Variants in HECW1 observed in about 807,000 individuals in gnomAD.
HECW1 encodes HECT, C2 and WW domain containing E3 ubiquitin protein ligase 1, also known as E3 ubiquitin-protein ligase HECW1.
HECW1 carries 61 observed loss-of-function variants against 182.3 expected under a neutral mutation model. The ratio of observed to expected loss-of-function variants is 0.33; its 90% CI spans 0.27 to 0.41. The LOEUF (loss-of-function observed/expected upper bound fraction) is 0.41. Among genes scored for constraint, HECW1 ranks in the 10% least tolerant of loss-of-function variants. The pLI, the probability that HECW1 is intolerant of heterozygous loss-of-function variation, is 1.00. For missense variants in HECW1, 1,739 were observed against 2,108.9 expected (o/e 0.82, Z 3.44); for synonymous variants, 859 against 832.6 (o/e 1.03, Z -0.55).
chr7:43,194,849 A>T (rs537063435), intron 2 of HECW1, among the ~76,000 whole-genome samples: 1 of 152,062 alleles, frequency 6.6e-6, no homozygotes, highest in East Asian at 1.9e-4. Flanking sequence ...GCCTGCCCCC[A>T]CACCTGGCTA....
At chr7:43,446,854 G>A (rs78830237) in intron 11 of HECW1, among the ~76,000 whole-genome samples, 1 of 152,184 alleles carries the variant, frequency 6.6e-6, no homozygotes, top group Non-Finnish European at 1.5e-5. Flanking sequence ...GAGTAGAAGG[G>A]AATGGGAAAT....
intron 2 of HECW1, among the ~76,000 whole-genome samples, chr7:43,209,819 G>C (rs2152694340): frequency 6.6e-6 from 1 of 152,336 alleles, no homozygotes; most frequent in South Asian, 2.1e-4. Flanking sequence ...GGGCATTCCA[G>C]AAGAGTGAAG....
chr7:43,138,152 C>G (rs564511454), intron 2 of HECW1, among the ~76,000 whole-genome samples: 1 of 152,178 alleles, frequency 6.6e-6, no homozygotes, highest in African/African-American at 2.4e-5. Flanking sequence ...GAATAATAAC[C>G]CTCCAACTGG....
At chr7:43,210,469 G>GTA (rs71837963) in intron 2 of HECW1, among the ~76,000 whole-genome samples, 10,001 of 151,476 alleles carry the variant, frequency 0.066, 388 homozygotes, top group African/African-American at 0.086. Context: ...GTGTGTGTGT[G>GTA]TGTGTGTGGT....
At chr7:43,462,729 A>G (rs1183989649) in intron 13 of HECW1, among the ~76,000 whole-genome samples, 1 of 152,144 alleles carries the variant, frequency 6.6e-6, no homozygotes, top group Non-Finnish European at 1.5e-5. Flanking sequence ...CCAGGTGCCC[A>G]CACATCCTGA....
intron 24 of HECW1, among the ~76,000 whole-genome samples, chr7:43,536,738 C>T (rs989516850): frequency 2.0e-5 from 3 of 152,178 alleles, no homozygotes; most frequent in African/African-American, 7.2e-5. Context: ...GCTGTTCCCT[C>T]CACCCACCAG....
At chr7:43,214,825 T>A (rs568319610) in intron 2 of HECW1, among the ~76,000 whole-genome samples, 6 of 152,134 alleles carry the variant, frequency 3.9e-5, no homozygotes, top group Admixed American at 2.0e-4. Flanking sequence ...GAGGGAACCA[T>A]GTGGGGGCAT....
chr7:43,158,132 T>G (rs1427857162), intron 2 of HECW1, among the ~76,000 whole-genome samples: 3 of 152,242 alleles, frequency 2.0e-5, no homozygotes, highest in African/African-American at 7.2e-5. Flanking sequence ...ACTGAAGAAA[T>G]GTTTACTAAA....
At chr7:43,130,292 G>C (rs904725349) in intron 2 of HECW1, among the ~76,000 whole-genome samples, 5 of 152,170 alleles carry the variant, frequency 3.3e-5, no homozygotes, top group Non-Finnish European at 7.4e-5. Context: ...TACACAATGA[G>C]GTATCTTGAG....
At chr7:43,488,918 G>A (rs1585066551) in intron 17 of HECW1, among the ~76,000 whole-genome samples, 1 of 152,334 alleles carries the variant, frequency 6.6e-6, no homozygotes, top group Middle Eastern at 3.4e-3. Context: ...TCAGTCATCT[G>A]CCTTTGGGCT....
rs1349329254 is a variant in HECW1 at position 43,450,917 on chromosome 7, C to G, written c.2488C>G (p.Pro830Ala). ...EHHHYPTIDE[P>A]LPPNWEARID... ...TCATCACTACCCAACAATCGATGAG[C>G]CTCTTCCACCAAGTAAGCTTTAGTT... Residue 830 changes from proline (P) to alanine (A), a missense_variant, in exon 12 of 30, where the codon CCT becomes GCT. Pro to Ala is a conservative substitution (Grantham distance 27, BLOSUM62 -1). Around this residue, in one of 5 missense-constraint regions of HECW1, gnomAD observed 971 missense variants for 1,029.1 expected, o/e 0.94. Coordinates refer to ENST00000395891, the MANE Select transcript of HECW1 (RefSeq NM_015052.5). 3.7e-6 allele frequency: 6 copies of G among 1,606,480 alleles called. No individual in the cohort carries two copies. The highest frequency in any genetic ancestry group is 4.3e-6 in the Non-Finnish European group (5 of 1,173,204).
intron 9 of HECW1, chr7:43,439,171 C>T (rs1304780992): frequency 6.6e-6 from 1 of 152,198 alleles, no homozygotes; most frequent in Non-Finnish European, 1.5e-5. Flanking sequence ...GAACCTAGCA[C>T]GGCCACTGGC....
At chr7:43,336,227 A>G (rs1278154427) in intron 5 of HECW1, among the ~76,000 whole-genome samples, 1 of 130,148 alleles carries the variant, frequency 7.7e-6, no homozygotes, top group East Asian at 2.3e-4. Flanking sequence ...GCTGGAGTAC[A>G]GTGGTGGGAT....
chr7:43,303,380 G>C (rs1584399555), intron 3 of HECW1, among the ~76,000 whole-genome samples: 1 of 146,764 alleles, frequency 6.8e-6, no homozygotes, highest in East Asian at 2.0e-4. Flanking sequence ...AGAGTCAAAA[G>C]TGGGAGGGGA....
intron 2 of HECW1, among the ~76,000 whole-genome samples, chr7:43,198,070 A>T (rs1231112135): frequency 6.7e-6 from 1 of 148,240 alleles, no homozygotes; most frequent in African/African-American, 2.5e-5. Context: ...CCACACACAC[A>T]CTCTCTTACA....
At chr7:43,315,189 T>A (rs1809050562) in intron 4 of HECW1, among the ~76,000 whole-genome samples, 1 of 152,198 alleles carries the variant, frequency 6.6e-6, no homozygotes, top group Non-Finnish European at 1.5e-5. Context: ...GGAACCCAAC[T>A]CTTGAAGAAT....
At chr7:43,308,256 TATATG>T (rs929231291) in intron 3 of HECW1, among the ~76,000 whole-genome samples, 2 of 99,394 alleles carry the variant, frequency 2.0e-5, no homozygotes, top group Admixed American at 1.3e-4. Context: ...ATATATATAT[TATATG>T]ATATATTTAT....
chr7:43,537,623 G>C (rs1228316422), intron 24 of HECW1, among the ~76,000 whole-genome samples: 1 of 152,168 alleles, frequency 6.6e-6, no homozygotes, highest in African/African-American at 2.4e-5. Flanking sequence ...TATTGTTTTA[G>C]ATTTGAATTG....
chr7:43,295,361 G>T (rs189119814), intron 3 of HECW1, among the ~76,000 whole-genome samples: 1 of 152,138 alleles, frequency 6.6e-6, no homozygotes, highest in Non-Finnish European at 1.5e-5. Flanking sequence ...AGAATAGGAG[G>T]CAGGTTGGCC....
Sources: gnomAD v4.1 joint callset for allele counts (sites outside exome capture counted in the v4.1 genomes callset) on GRCh38, gnomAD v4.1.1 for gene constraint, gnomAD v4.1.1 regional missense constraint, MANE v1.5 for transcripts, NCBI Gene and HGNC (gene_info 2026-07-23, HGNC 2026-07-21) for gene names.